CD83: variants seen among roughly 807,000 people sequenced by gnomAD.
CD83 encodes CD83 molecule.
In CD83, 22 loss-of-function variants were observed where a neutral mutation model predicts 24.6. The observed-to-expected ratio is 0.90, with a 90% CI of 0.64 to 1.28. CD83 has a LOEUF of 1.28. Among genes scored for constraint, CD83 ranks in the 50% most tolerant of loss-of-function variants. The probability of loss-of-function intolerance (pLI) is 0.00; values close to 1 mark genes in which losing one functional copy is unlikely to be tolerated. For synonymous variants in CD83, 101 were observed against 103.5 expected (o/e 0.98, Z 0.14); for missense variants, 253 against 252.8 (o/e 1.00, Z -0.01).
At chr6:14,117,656 C>T (rs1188160950), upstream of CD83, 4 of 424,474 alleles carry the variant, frequency 9.4e-6, no homozygotes, top group East Asian at 7.3e-5. The surrounding 1 kb of genome is among the most constrained non-coding windows in gnomAD (Gnocchi z 4.6). Context: ...CCGGCCTAAG[C>T]GGGACTAGGA....
intron 2 of CD83, among the ~76,000 whole-genome samples, chr6:14,123,751 GA>G (rs10647098): frequency 1.7e-3 from 180 of 103,382 alleles, no homozygotes; most frequent in African/African-American, 2.0e-3. Flanking sequence ...GAGTTAAATT[GA>G]AAAAAAAAAA....
At chr6:14,135,070 C>T in intron 4 of CD83, 38 bp from the exon 5 acceptor site, 2 of 1,607,614 alleles carry the variant, frequency 1.2e-6, no homozygotes, top group Non-Finnish European at 1.7e-6. Flanking sequence ...CTGAATTTTT[C>T]CAATTATTCA....
chr6:14,135,186 C>T lies in CD83; in HGVS notation c.568C>T (p.Pro190Ser). ...ACGAGCTTTTCTCCCAGTTACCTCC[C>T]CAAATAAGCATTTAGGGCTAGTGAC... ...MERAFLPVTS[P>S]NKHLGLVTPH... Residue 190 changes from proline (P) to serine (S), a missense_variant, in exon 5 of 5, where the codon CCA (proline) becomes TCA (serine). Coordinates refer to ENST00000379153, the MANE Select transcript of CD83 (RefSeq NM_004233.4). 6.2e-7 allele frequency: 1 copy of T among 1,614,078 alleles called. No individual in the cohort carries two copies. Among genetic ancestry groups the T allele is most frequent in the Non-Finnish European group, 8.5e-7 (1 of 1,179,936 alleles).
intron 3 of CD83, among the ~76,000 whole-genome samples, chr6:14,132,965 C>A (rs757573139): frequency 2.0e-5 from 3 of 152,238 alleles, no homozygotes; most frequent in Non-Finnish European, 4.4e-5. Context: ...CCCTTCATGT[C>A]TGTCCCTGGG....
chr6:14,117,786 C>G lies in CD83; in HGVS notation c.-26C>G. ...GCCCGCGCGCCACAGCTCTGCAGCT[C>G]GTGGCAGCGGCGCAGCGCTCCAGCC... On this transcript the variant is annotated 5_prime_UTR_variant, in exon 1 of 5. Transcript: ENST00000379153. The surrounding 1 kb of genome is among the most constrained non-coding windows in gnomAD (Gnocchi z 4.6). 6.7e-7 allele frequency: 1 copy of G among 1,484,446 alleles called. No individual in the cohort carries two copies. The highest frequency in any genetic ancestry group is 1.3e-5 in the South Asian group (1 of 77,722). The allele number at this position is 1,484,446 out of a possible 1,614,324, so 92.0% of individuals were successfully genotyped here. A position where few individuals can be genotyped will look rare whatever the true frequency, so the allele number is the denominator to read the frequency against.
chr6:14,130,663 G>A (rs752976351), intron 2 of CD83, among the ~76,000 whole-genome samples: 79 of 152,136 alleles, frequency 5.2e-4, no homozygotes, highest in Non-Finnish European at 7.4e-4. Context: ...GACTCAGGAG[G>A]CCAAGGGTGC....
chr6:14,119,126 G>T (rs1357694318), intron 2 of CD83, among the ~76,000 whole-genome samples: 1 of 152,178 alleles, frequency 6.6e-6, no homozygotes, highest in Non-Finnish European at 1.5e-5. Context: ...TCCCTGGGGG[G>T]CAGTGGCTGT....
chr6:14,128,336 C>G (rs547467092), intron 2 of CD83, among the ~76,000 whole-genome samples: 23 of 152,298 alleles, frequency 1.5e-4, no homozygotes, highest in Admixed American at 6.5e-4. Context: ...GCCCCACCCC[C>G]ATTCTGAGCA....
At position 14,118,042 on chromosome 6, in the gene CD83, C is replaced by T. The variant is rs1290265665; in HGVS notation, c.130C>T (p.Pro44Ser). The change falls in exon 2 of 5, where the codon CCC becomes TCC. Residue 44 changes from proline (P) to serine (S), a missense_variant. Physicochemically the swap from Pro to Ser is moderately conservative, Grantham distance 74. Coordinates refer to ENST00000379153, the MANE Select transcript of CD83 (RefSeq NM_004233.4). ...PCTAPWDPQV[P>S]YTVSWVKLLE... is the part of the protein sequence containing the mutation. ...CACCGCCCCCTGGGATCCGCAGGTT[C>T]CCTACACGGTCTCCTGGGTCAAGGT... is the stretch of plus-strand genomic sequence containing the variant. 1.2e-6 allele frequency: 2 copies of T among 1,609,436 alleles called. No individual in the cohort carries two copies. The highest frequency in any genetic ancestry group is 1.1e-5 in the South Asian group (1 of 90,400).
intron 2 of CD83, among the ~76,000 whole-genome samples, chr6:14,122,974 T>C (rs1274220823): frequency 6.6e-6 from 1 of 152,196 alleles, no homozygotes; most frequent in East Asian, 1.9e-4. Context: ...GGCTGAGAGA[T>C]AACATTAGAA....
Position 14,133,699 on chromosome 6 carries a change from A to T in CD83, c.433A>T (p.Ile145Phe), listed in dbSNP as rs1757978656. ...EETFKKYRAE[I>F]VLLLALVIFY... The stretch of plus-strand genomic sequence containing the variant: ...GACTTTTAAGAAATACAGAGCGGAG[A>T]TTGTCCTGCTGCTGGCTCTGGTTAT... Residue 145 changes from isoleucine (I) to phenylalanine (F), a missense_variant, in exon 4 of 5, where the codon ATT (isoleucine) becomes TTT (phenylalanine). By Grantham distance (21) the Ile-to-Phe change is conservative. Coordinates refer to ENST00000379153, the MANE Select transcript of CD83 (RefSeq NM_004233.4). 1 of 1,613,958 alleles carries T rather than the reference A, an allele frequency of 6.2e-7. No individual in the cohort carries two copies. The highest frequency in any genetic ancestry group is 8.5e-7 in the Non-Finnish European group (1 of 1,179,896).
In CD83 at chr6:14,136,809, A is replaced by G. The variant is rs1257962894; in HGVS notation, c.*1573A>G. The G allele has an allele frequency of 1.3e-5, 2 of 152,246 alleles. No homozygotes were observed. The highest frequency in any genetic ancestry group is 2.1e-4 in the South Asian group (1 of 4,830). The allele number at this position is 152,246 out of a possible 1,614,324, so 9.4% of individuals were successfully genotyped here. A position where few individuals can be genotyped will look rare whatever the true frequency, so the allele number is the denominator to read the frequency against. ...GAACCCCCATGATGTAAGTTTACCT[A>G]TGTAACAAACCTGCACTTATACCCA... On this transcript the variant is annotated 3_prime_UTR_variant, in exon 5 of 5. Transcript: ENST00000379153.
chr6:14,119,058 T>G (rs2113384286), intron 2 of CD83, among the ~76,000 whole-genome samples: 1 of 152,332 alleles, frequency 6.6e-6, no homozygotes, highest in Admixed American at 6.5e-5. Flanking sequence ...CACTTAACAG[T>G]ACAAGGCATC....
chr6:14,127,280 G>A (rs12192405), intron 2 of CD83, among the ~76,000 whole-genome samples: 9,494 of 152,100 alleles, frequency 0.062, 406 homozygotes, highest in Non-Finnish European at 0.089. Flanking sequence ...ATGAGCCACC[G>A]TGCCTGGCCC....
intron 2 of CD83, among the ~76,000 whole-genome samples, chr6:14,121,616 CAAAAAAAAAAAA>C (rs57805122): frequency 9.3e-5 from 5 of 53,772 alleles, no homozygotes; most frequent in African/African-American, 2.4e-4. Context: ...CTGTCTCTAC[CAAAAAAAAAAAA>C]AAAAAAAAAA....
intron 2 of CD83, among the ~76,000 whole-genome samples, chr6:14,125,807 G>A (rs1443899034): frequency 5.9e-5 from 9 of 152,204 alleles, no homozygotes; most frequent in African/African-American, 2.2e-4. Context: ...AAAAAATACA[G>A]AATGTTGTGG....
chr6:14,118,390 G>C (rs1389577588), intron 2 of CD83, among the ~76,000 whole-genome samples: 1 of 152,308 alleles, frequency 6.6e-6, no homozygotes, highest in African/African-American at 2.4e-5. Flanking sequence ...ACCTGTGGTT[G>C]TGGGCCAGCA....
At chr6:14,127,312 A>G (rs775715822) in intron 2 of CD83, among the ~76,000 whole-genome samples, 11 of 152,158 alleles carry the variant, frequency 7.2e-5, no homozygotes, top group African/African-American at 2.4e-4. Flanking sequence ...CAAATCTGCT[A>G]TATGATAAAT....
At position 14,135,481 on chromosome 6, in the gene CD83, C is replaced by A; in HGVS notation, c.*245C>A. The A allele has an allele frequency of 2.2e-6, 1 of 456,602 alleles. No individual in the cohort carries two copies. Among genetic ancestry groups the A allele is most frequent in the Non-Finnish European group, 3.9e-6 (1 of 254,464 alleles). 28.3% of individuals were successfully genotyped at this position (456,602 alleles called of 1,614,324 possible). ...ATGGCCACCTTTTCAGCGATGTATG[C>A]AGCTATCTGGTCAACCTCCTGGACA... On this transcript the variant is annotated 3_prime_UTR_variant, in exon 5 of 5. Coordinates refer to ENST00000379153, the MANE Select transcript of CD83 (RefSeq NM_004233.4).
Sources: gnomAD v4.1 joint callset for allele counts (sites outside exome capture counted in the v4.1 genomes callset) on GRCh38, gnomAD v4.1.1 for gene constraint, Gnocchi (gnomAD v3.1) non-coding constraint, MANE v1.5 for transcripts, NCBI Gene and HGNC (gene_info 2026-07-23, HGNC 2026-07-21) for gene names.